C22orf31: variants seen among roughly 807,000 people sequenced by gnomAD.
The protein encoded by C22orf31 is chromosome 22 open reading frame 31, also known as uncharacterized protein C22orf31.
Under a neutral mutation model 15.0 loss-of-function variants are expected in C22orf31, and 11 were observed. That is an observed-to-expected ratio of 0.73 (90% CI 0.46 to 1.21). The LOEUF is 1.21. Among genes scored for constraint, C22orf31 ranks in the 50% most tolerant of loss-of-function variants. The pLI is 0.00. For missense variants in C22orf31, 340 were observed against 347.2 expected (o/e 0.98, Z 0.17); for synonymous variants, 132 against 133.3 (o/e 0.99, Z 0.07).
At chr22:29,059,495 G>C (rs1050852812) in intron 2 of C22orf31, among the ~76,000 whole-genome samples, 7 of 152,180 alleles carry the variant, frequency 4.6e-5, no homozygotes, top group Non-Finnish European at 1.0e-4. Flanking sequence ...CCTCTGCCAG[G>C]CTCTGTTCAA....
At chr22:29,072,185 C>A in the C22orf31 span, among the ~76,000 whole-genome samples, 5 of 152,108 alleles carry the variant, frequency 3.3e-5, no homozygotes, top group Admixed American at 2.6e-4. Flanking sequence ...TGCTCTGTCA[C>A]CCAGGCTGGA....
At chr22:29,060,041 T>A in intron 2 of C22orf31, 3 of 844,974 alleles carry the variant, frequency 3.6e-6, no homozygotes, top group Non-Finnish European at 2.8e-6. Flanking sequence ...TTTTTTTTTT[T>A]TTATTTTTTA....
At chr22:29,061,315 G>A (rs1308237096) in intron 1 of C22orf31, among the ~76,000 whole-genome samples, 3 of 152,122 alleles carry the variant, frequency 2.0e-5, no homozygotes, top group Non-Finnish European at 4.4e-5. Context: ...TGCCCAGGCT[G>A]GAGTGCAATG....
At chr22:29,067,331 C>A in the C22orf31 span, among the ~76,000 whole-genome samples, 3 of 151,694 alleles carry the variant, frequency 2.0e-5, no homozygotes, top group Non-Finnish European at 4.4e-5. Flanking sequence ...GAGGCACATA[C>A]TTCACTTGCC....
upstream of C22orf31, among the ~76,000 whole-genome samples, chr22:29,062,563 G>C (rs2037401476): frequency 6.6e-6 from 1 of 152,124 alleles, no homozygotes; most frequent in Non-Finnish European, 1.5e-5. Context: ...CTGTTGGTGG[G>C]TTTGATTCTT....
At chr22:29,066,539 C>CTTTTTTTTT (rs134565), upstream of C22orf31, among the ~76,000 whole-genome samples, 96 of 70,224 alleles carry the variant, frequency 1.4e-3, 7 homozygotes, top group African/African-American at 2.3e-3. Flanking sequence ...CTTTTCTTTT[C>CTTTTTTTTT]TTTTTTTTTT....
chr22:29,062,923 C>T (rs1169851962), upstream of C22orf31, among the ~76,000 whole-genome samples: 1 of 152,012 alleles, frequency 6.6e-6, no homozygotes, highest in Admixed American at 6.5e-5. Context: ...GGAGACTGGG[C>T]AGGCAAGAGT....
rs780283742 is a variant in C22orf31 at position 29,058,942 on chromosome 22, G to A, written c.673C>T (p.Leu225=). The A allele has an allele frequency of 2.5e-5, 41 of 1,614,078 alleles. No individual in the cohort carries two copies. The highest frequency in any genetic ancestry group is 3.5e-5 in the Non-Finnish European group (41 of 1,180,036). Residue 225 remains leucine (L), a synonymous_variant, in exon 3 of 3, where the codon CTG becomes TTG. Transcript: ENST00000216071. ...TTGGGGGTCCCTGAAGGATTCCACA[G>A]CATTGGCTCCACCACAGCGTGGTAC... ...ALYHAVVEPM[L]WNPSGTPKRY...
chr22:29,067,173 G>C, the C22orf31 span, among the ~76,000 whole-genome samples: 1 of 151,930 alleles, frequency 6.6e-6, no homozygotes, highest in Non-Finnish European at 1.5e-5. Context: ...CATTCATTTA[G>C]ATGTTAAAAA....
At chr22:29,060,188 G>T (rs2037372588) in intron 2 of C22orf31, among the ~76,000 whole-genome samples, 1 of 145,780 alleles carries the variant, frequency 6.9e-6, no homozygotes. Flanking sequence ...TGTGCATCAT[G>T]CCTGGCTTTT....
Position 29,059,040 on chromosome 22 carries a change from G to T in C22orf31, c.575C>A (p.Thr192Asn). 1 of 1,614,172 alleles carries T rather than the reference G, an allele frequency of 6.2e-7. No homozygotes were observed. The highest frequency in any genetic ancestry group is 8.5e-7 in the Non-Finnish European group (1 of 1,180,046). The change falls in exon 3 of 3, where the codon ACC becomes AAC. Residue 192 changes from threonine to asparagine, a missense_variant. Physicochemically the swap from Thr to Asn is moderately conservative, Grantham distance 65 (BLOSUM62 0). Transcript: ENST00000216071. Reference protein sequence around the residue: ...AWKGRVLLPETQKRQQLSEDT... With the variant: ...AWKGRVLLPENQKRQQLSEDT... ...CTCCGACAACTGCTGTCTCTTTTGG[G>T]TTTCAGGAAGCAACACTCGGCCCTT...
the C22orf31 span, among the ~76,000 whole-genome samples, chr22:29,070,426 C>T: frequency 2.0e-5 from 3 of 152,242 alleles, no homozygotes; most frequent in African/African-American, 7.2e-5. Context: ...ACCAAAGCTA[C>T]TATCACAAGG....
the C22orf31 span, among the ~76,000 whole-genome samples, chr22:29,066,852 C>T: frequency 2.0e-5 from 3 of 152,066 alleles, no homozygotes; most frequent in Non-Finnish European, 2.9e-5. Context: ...GGAGCCACCG[C>T]GCCCAGCCAA....
At chr22:29,069,399 T>G in the C22orf31 span, among the ~76,000 whole-genome samples, 1 of 152,030 alleles carries the variant, frequency 6.6e-6, no homozygotes, top group African/African-American at 2.4e-5. Context: ...TGACCCAAAC[T>G]CCAACATTGT....
upstream of C22orf31, among the ~76,000 whole-genome samples, chr22:29,062,650 T>C (rs1163642603): frequency 6.6e-6 from 1 of 152,096 alleles, no homozygotes; most frequent in Non-Finnish European, 1.5e-5. Flanking sequence ...AGTATGAATC[T>C]GGCAGGGGCT....
At chr22:29,073,266 A>T in the C22orf31 span, 1 of 946,032 alleles carries the variant, frequency 1.1e-6, no homozygotes, top group Non-Finnish European at 1.3e-6. The surrounding 1 kb of genome is among the most constrained non-coding windows in gnomAD (Gnocchi z 4.4). Flanking sequence ...CCCTGAGCGG[A>T]GCCCACTCGA....
At chr22:29,071,161 TG>T in the C22orf31 span, among the ~76,000 whole-genome samples, 384 of 137,232 alleles carry the variant, frequency 2.8e-3, no homozygotes, top group Admixed American at 7.6e-3. Context: ...TGGCAGGAGG[TG>T]GGGGGGGCGG....
upstream of C22orf31, among the ~76,000 whole-genome samples, chr22:29,064,737 C>T (rs2037418141): frequency 8.7e-6 from 1 of 114,746 alleles, no homozygotes; most frequent in African/African-American, 3.4e-5. Context: ...GATGAGGTCT[C>T]CCTGTGTTGC....
At chr22:29,059,609 G>A (rs1024372563) in intron 2 of C22orf31, 32 of 807,700 alleles carry the variant, frequency 4.0e-5, no homozygotes, top group Non-Finnish European at 1.9e-5. Context: ...AATTAAGCCC[G>A]AGGTCGTCCT....
Sources: allele counts gnomAD v4.1 joint callset (sites outside exome capture counted in the v4.1 genomes callset), GRCh38; gene constraint gnomAD v4.1.1; non-coding constraint Gnocchi (gnomAD v3.1); transcripts MANE v1.5; gene names NCBI Gene and HGNC (gene_info 2026-07-23, HGNC 2026-07-21).